The following WSB2 variants were observed in gnomAD, a reference collection of about 807,000 sequenced individuals.
The protein encoded by WSB2 is WD repeat and SOCS box-containing protein 2.
WSB2 carries 12 observed loss-of-function variants against 48.8 expected under a neutral mutation model. The ratio of observed to expected loss-of-function variants is 0.25; its 90% confidence interval spans 0.16 to 0.40. The LOEUF is 0.40. Among genes scored for constraint, WSB2 ranks in the 10% least tolerant of loss-of-function variants. WSB2 has a pLI of 1.00. For synonymous variants in WSB2, 191 were observed against 203.1 expected (o/e 0.94, Z 0.51); for missense variants, 317 against 506.2 (o/e 0.63, Z 3.59).
At chr12:118,041,391 G>A (rs949375929) in intron 4 of WSB2, among the ~76,000 whole-genome samples, 7 of 152,154 alleles carry the variant, frequency 4.6e-5, no homozygotes, top group African/African-American at 1.2e-4. Context: ...CTAGCACTTC[G>A]CTCACGGACT....
At chr12:118,053,828 T>A (rs1488470797) in intron 1 of WSB2, among the ~76,000 whole-genome samples, 1 of 152,216 alleles carries the variant, frequency 6.6e-6, no homozygotes, top group Non-Finnish European at 1.5e-5. Context: ...GAATGTGGAA[T>A]GTGGAAGACT....
intron 1 of WSB2, among the ~76,000 whole-genome samples, chr12:118,058,000 G>C (rs969513404): frequency 1.3e-5 from 2 of 151,578 alleles, no homozygotes; most frequent in Admixed American, 6.6e-5. Context: ...GATCTCCTGA[G>C]CTCAAGCGAT....
In WSB2 at chr12:118,034,268, T is replaced by C; in HGVS notation, c.1143A>G (p.Leu381=). 1 of 1,614,204 alleles carries C rather than the reference T, an allele frequency of 6.2e-7. No homozygotes were observed. Among genetic ancestry groups the C allele is most frequent in the Non-Finnish European group, 8.5e-7 (1 of 1,180,036 alleles). Residue 381 remains leucine, a synonymous_variant, in exon 9 of 9, where the codon CTA becomes CTG. Coordinates refer to ENST00000315436, the MANE Select transcript of WSB2 (RefSeq NM_018639.5). ...HLCRKALRSF[L]TTYQVLALPI... ...GCAGTGCTAGGACTTGGTAAGTTGT[T>C]AGGAAACTTCGAAGGGCTTTCCGGC...
In WSB2 at chr12:118,033,080, G is replaced by A. The variant is rs1272745282; in HGVS notation, c.*1116C>T. ...GATTAAGAAAGCTAAAGAATAAGAT[G>A]TTGTATTTCTTTTAAAATAATTTAA... On this transcript the variant is annotated 3_prime_UTR_variant, in exon 9 of 9. Transcript: ENST00000315436. 6.6e-6 allele frequency: 1 copy of A among 152,158 alleles called. No individual in the cohort carries two copies. Among genetic ancestry groups the A allele is most frequent in the Non-Finnish European group, 1.5e-5 (1 of 68,028 alleles). 9.4% of individuals were successfully genotyped at this position (152,158 alleles called of 1,614,324 possible).
chr12:118,036,264 A>G, intron 6 of WSB2, 74 bp downstream of exon 6: 2 of 1,497,666 alleles, frequency 1.3e-6, no homozygotes, highest in Non-Finnish European at 1.8e-6. Context: ...ATTCTAAAAG[A>G]GACATGTCTA....
chr12:118,034,596 C>T, intron 8 of WSB2: 1 of 424,366 alleles, frequency 2.4e-6, no homozygotes, highest in Non-Finnish European at 4.1e-6. Context: ...TCTCTCTCGG[C>T]ACAGCCCTTT....
At chr12:118,040,541 C>T (rs973770374) in intron 4 of WSB2, among the ~76,000 whole-genome samples, 1 of 151,614 alleles carries the variant, frequency 6.6e-6, no homozygotes, top group Non-Finnish European at 1.5e-5. Context: ...TGGGCAGATC[C>T]CTTCAGGTCA....
chr12:118,051,051 C>CA (rs1218095284), intron 2 of WSB2, among the ~76,000 whole-genome samples: 3 of 144,266 alleles, frequency 2.1e-5, no homozygotes, highest in Non-Finnish European at 3.0e-5. Flanking sequence ...GACTCTGTCT[C>CA]AAAAAAAGAA....
intron 4 of WSB2, among the ~76,000 whole-genome samples, chr12:118,041,900 G>A (rs1448172485): frequency 3.3e-5 from 5 of 151,774 alleles, no homozygotes; most frequent in South Asian, 2.1e-4. Context: ...GACTACAGGC[G>A]CCCACCACCA....
chr12:118,049,934 G>A (rs114370612), intron 2 of WSB2, among the ~76,000 whole-genome samples: 2,360 of 152,288 alleles, frequency 0.015, 49 homozygotes, highest in African/African-American at 0.049. Context: ...AAGGGCAAGG[G>A]CCATGTCTGA....
chr12:118,045,101 G>T (rs1217976578), intron 2 of WSB2, among the ~76,000 whole-genome samples: 1 of 152,168 alleles, frequency 6.6e-6, no homozygotes, highest in African/African-American at 2.4e-5. Flanking sequence ...AACTGGCCGG[G>T]TGCGGTGGCT....
chr12:118,050,897 C>T (rs1406795200), intron 2 of WSB2, among the ~76,000 whole-genome samples: 2 of 151,670 alleles, frequency 1.3e-5, no homozygotes, highest in Non-Finnish European at 2.9e-5. Flanking sequence ...ACTAAAAATA[C>T]AAAAATTATC....
In WSB2 at chr12:118,060,987, C is replaced by A. The variant is rs1373395866; in HGVS notation, c.13+49G>T. The A allele has an allele frequency of 5.8e-6, 5 of 862,910 alleles. No individual in the cohort carries two copies. The highest frequency in any genetic ancestry group is 5.5e-5 in the African/African-American group (3 of 54,406). The allele number at this position is 862,910 out of a possible 1,614,324, so 53.5% of individuals were successfully genotyped here. A position where few individuals can be genotyped will look rare whatever the true frequency, so the allele number is the denominator to read the frequency against. ...TCGCCTCCCCCCTCCCCGGGGAGAA[C>A]GGGCCAGGGCCCCGCCGGGCGGGAA... On this transcript the variant is annotated intron_variant, in intron 1 of 8. Transcript: ENST00000315436. This position sits in a 1 kb window ranked among gnomAD's most constrained non-coding sequence, Gnocchi z 4.1.
intron 2 of WSB2, among the ~76,000 whole-genome samples, chr12:118,049,230 C>T (rs58436126): frequency 0.18 from 26,973 of 152,068 alleles, 2,464 homozygotes; most frequent in African/African-American, 0.19. Flanking sequence ...AAACTGAAAA[C>T]TCTGATTAAA....
At chr12:118,055,590 A>T in intron 1 of WSB2, among the ~76,000 whole-genome samples, 1 of 139,906 alleles carries the variant, frequency 7.1e-6, no homozygotes, top group African/African-American at 2.7e-5. Context: ...CAATTGGTTC[A>T]CTTCCTCTAC....
intron 4 of WSB2, among the ~76,000 whole-genome samples, chr12:118,039,272 C>T (rs1023567516): frequency 2.0e-5 from 3 of 152,108 alleles, no homozygotes; most frequent in African/African-American, 7.2e-5. Context: ...GTGTCTCACA[C>T]AATCTCTCCA....
At chr12:118,035,610 T>C in intron 6 of WSB2, 1 of 348,228 alleles carries the variant, frequency 2.9e-6, no homozygotes, top group South Asian at 4.0e-5. Flanking sequence ...ACTGCAAGTC[T>C]TTTTTAGGCT....
In WSB2 at chr12:118,052,572, C is replaced by A. The variant is rs1244199607; in HGVS notation, c.14-94G>T. 5 of 1,556,542 alleles carry A rather than the reference C, an allele frequency of 3.2e-6. No homozygotes were observed. The African/African-American group carries it at 6.9e-5, about 21-fold the overall frequency. On this transcript the variant is annotated intron_variant, in intron 1 of 8. Coordinates refer to ENST00000315436, the MANE Select transcript of WSB2 (RefSeq NM_018639.5). Reference sequence around the variant, plus strand: ...CCACTGTCTCCCTGTGGCAAAGAGCCACACTATCCATTCCCAGAGGGAGTT... The same window carrying A: ...CCACTGTCTCCCTGTGGCAAAGAGCAACACTATCCATTCCCAGAGGGAGTT...
chr12:118,042,241 C>T (rs763925412), intron 4 of WSB2, among the ~76,000 whole-genome samples: 7 of 152,144 alleles, frequency 4.6e-5, no homozygotes, highest in Non-Finnish European at 1.0e-4. Flanking sequence ...AGGAAGCACC[C>T]AACAGGGACT....
Sources: allele counts gnomAD v4.1 joint callset (sites outside exome capture counted in the v4.1 genomes callset), GRCh38; gene constraint gnomAD v4.1.1; non-coding constraint Gnocchi (gnomAD v3.1); transcripts MANE v1.5; gene names NCBI Gene and HGNC (gene_info 2026-07-23, HGNC 2026-07-21).